CUL4B: variants seen among roughly 807,000 people sequenced by gnomAD.
CUL4B encodes cullin 4B, also known as cullin-4B.
A neutral mutation model predicts 69.2 loss-of-function variants in CUL4B; 1 was observed. The ratio of observed to expected loss-of-function variants is 0.01; its 90% CI spans 0.01 to 0.07. The LOEUF is 0.07. Among genes scored for constraint, CUL4B ranks in the 10% least tolerant of loss-of-function variants. The probability of loss-of-function intolerance (pLI) is 1.00; values close to 1 mark genes in which losing one functional copy is unlikely to be tolerated. For synonymous variants in CUL4B, 237 were observed against 223.2 expected (o/e 1.06, Z -0.55); for missense variants, 328 against 638.8 (o/e 0.51, Z 5.24).
intron 15 of CUL4B, 89 bp from the exon 16 acceptor site, chrX:120,536,032 T>C (rs1354148912): frequency 1.5e-5 from 10 of 678,003 alleles, no homozygotes; most frequent in Non-Finnish European, 2.4e-5. Context: ...ATATAGTTTC[T>C]GGAAAATTTT....
intron 2 of CUL4B, among the ~76,000 whole-genome samples, chrX:120,553,950 G>C (rs913662120): frequency 7.2e-5 from 8 of 111,579 alleles, no homozygotes; most frequent in South Asian, 7.4e-4. Flanking sequence ...TGTTCCTAGA[G>C]AGTTCCTGTC....
At chrX:120,545,930 A>C (rs1008569046) in intron 4 of CUL4B, among the ~76,000 whole-genome samples, 2 of 110,665 alleles carry the variant, frequency 1.8e-5, no homozygotes, top group Non-Finnish European at 3.8e-5. Context: ...GGTATAAACC[A>C]GATTAAGAAA....
At chrX:120,527,670 GATA>G (rs1923062307) in intron 19 of CUL4B, among the ~76,000 whole-genome samples, 1 of 111,871 alleles carries the variant, frequency 8.9e-6, no homozygotes, top group African/African-American at 3.3e-5. Context: ...ATAGCCTGAA[GATA>G]ATTTTATACC....
In CUL4B at chrX:120,526,034, T is replaced by A. The variant is rs148314701; in HGVS notation, c.*727A>T. On this transcript the variant is annotated 3_prime_UTR_variant, in exon 20 of 20. Coordinates refer to ENST00000371322, the MANE Select transcript of CUL4B (RefSeq NM_001079872.2). Reference sequence around the variant, plus strand: ...GATCATTAATTTTCTACTTTAGCTATTTTTATAAGTACTTGTTAATCAGCA... The same window carrying A: ...GATCATTAATTTTCTACTTTAGCTAATTTTATAAGTACTTGTTAATCAGCA... 1 of 112,062 alleles carries A rather than the reference T, an allele frequency of 8.9e-6. No homozygotes were observed. Among genetic ancestry groups the A allele is most frequent in the Non-Finnish European group, 1.9e-5 (1 of 53,195 alleles). The allele number at this position is 112,062 out of a possible 1,213,427, so 9.2% of individuals were successfully genotyped here. A position where few individuals can be genotyped will look rare whatever the true frequency, so the allele number is the denominator to read the frequency against.
chrX:120,566,378 T>TATATATATGTATATATATGTATATATAC (rs1925542805), upstream of CUL4B, among the ~76,000 whole-genome samples: 82 of 81,710 alleles, frequency 1.0e-3, no homozygotes, highest in Non-Finnish European at 1.7e-3. Flanking sequence ...TATATATATA[T>TATATATATGTATATATATGTATATATAC]ATATATATAT....
chrX:120,561,185 C>T, upstream of CUL4B: 12 of 711,070 alleles, frequency 1.7e-5, no homozygotes, highest in South Asian at 8.5e-5. Flanking sequence ...GGCGGGGGAG[C>T]TCGCGCGTGA....
chrX:120,538,452 T>C (rs1279722274), intron 13 of CUL4B: 4 of 405,135 alleles, frequency 9.9e-6, no homozygotes, highest in Non-Finnish European at 1.7e-5. Flanking sequence ...ATACAAATAA[T>C]AAAACCAAGA....
At chrX:120,543,154 C>A in intron 8 of CUL4B, 121 bp from the exon 9 acceptor site, 1 of 472,215 alleles carries the variant, frequency 2.1e-6, no homozygotes, top group South Asian at 3.3e-5. Context: ...AGATTCCTAT[C>A]CTATGTATAA....
chrX:120,530,496 T>C (rs1196130019), intron 18 of CUL4B, among the ~76,000 whole-genome samples: 1 of 112,264 alleles, frequency 8.9e-6, no homozygotes, highest in Non-Finnish European at 1.9e-5. Context: ...AAAAACATCA[T>C]CTTTGAATTG....
chrX:120,524,566 A>G lies in CUL4B; in HGVS notation c.*2195T>C, dbSNP rs1922868130. 8.9e-6 allele frequency: 1 copy of G among 112,360 alleles called. No individual in the cohort carries two copies. The highest frequency in any genetic ancestry group is 3.2e-5 in the African/African-American group (1 of 30,935). The allele number at this position is 112,360 out of a possible 1,213,427, so 9.3% of individuals were successfully genotyped here. ...GGAAGATTTTAAGTCCTGTGATTTTATAACTTTCTTACAATACTTGAATTT... is the reference window on the plus strand; with the variant it reads ...GGAAGATTTTAAGTCCTGTGATTTTGTAACTTTCTTACAATACTTGAATTT... On this transcript the variant is annotated 3_prime_UTR_variant, in exon 20 of 20. Coordinates refer to ENST00000371322, the MANE Select transcript of CUL4B (RefSeq NM_001079872.2).
intron 1 of CUL4B, among the ~76,000 whole-genome samples, chrX:120,558,489 GCTGGAA>G (rs1274742967): frequency 1.8e-5 from 2 of 111,811 alleles, no homozygotes; most frequent in African/African-American, 6.5e-5. Context: ...GGAAACTGAG[GCTGGAA>G]CTCATTTAGT....
chrX:120,545,260 T>C (rs1278744914), intron 5 of CUL4B, among the ~76,000 whole-genome samples, 184 bp downstream of exon 5: 1 of 112,246 alleles, frequency 8.9e-6, no homozygotes, highest in African/African-American at 3.2e-5. Context: ...CAGGGAATGT[T>C]AGCTATCTTC....
upstream of CUL4B, among the ~76,000 whole-genome samples, chrX:120,565,874 T>C (rs1296867168): frequency 6.7e-5 from 7 of 103,806 alleles, no homozygotes; most frequent in East Asian, 3.2e-4. Flanking sequence ...TACAGGCGCC[T>C]ACCACCACGC....
downstream of CUL4B, among the ~76,000 whole-genome samples, chrX:120,569,821 G>A (rs1925664537): frequency 9.0e-6 from 1 of 111,495 alleles, no homozygotes; most frequent in African/African-American, 3.3e-5. Context: ...ATAGCTTCCA[G>A]AGAAAGAAAT....
chrX:120,566,381 A>AC (rs1925544136), upstream of CUL4B, among the ~76,000 whole-genome samples: 1 of 63,248 alleles, frequency 1.6e-5, no homozygotes, highest in Non-Finnish European at 3.4e-5. Flanking sequence ...ATATATATAT[A>AC]TATATATATG....
intron 19 of CUL4B, among the ~76,000 whole-genome samples, chrX:120,527,400 A>AT (rs1175983570): frequency 8.3e-5 from 9 of 108,513 alleles, no homozygotes; most frequent in African/African-American, 2.3e-4. Context: ...TTGATTTTTG[A>AT]TTTTTTTTTG....
intron 11 of CUL4B, 133 bp downstream of exon 11, chrX:120,540,237 C>A: frequency 1.8e-6 from 1 of 563,371 alleles, no homozygotes; most frequent in Non-Finnish European, 3.0e-6. Flanking sequence ...ACTCTTCAAA[C>A]TTGATATACC....
At chrX:120,536,748 C>T (rs1269939878) in intron 15 of CUL4B, among the ~76,000 whole-genome samples, 179 bp downstream of exon 15, 2 of 111,947 alleles carry the variant, frequency 1.8e-5, no homozygotes, top group African/African-American at 6.5e-5. Flanking sequence ...GTAATCCCAG[C>T]ACTTCGGAAG....
At chrX:120,533,777 A>T (rs757826357) in intron 17 of CUL4B, among the ~76,000 whole-genome samples, 10 of 111,628 alleles carry the variant, frequency 9.0e-5, no homozygotes, top group Non-Finnish European at 1.7e-4. Context: ...TGGTTATATA[A>T]AGAGTTCTGG....
Sources: gnomAD v4.1 joint callset for allele counts (sites outside exome capture counted in the v4.1 genomes callset) on GRCh38, gnomAD v4.1.1 for gene constraint, MANE v1.5 for transcripts, NCBI Gene and HGNC (gene_info 2026-07-23, HGNC 2026-07-21) for gene names.